Variants in PKD1L3 observed in about 807,000 individuals in gnomAD.
PKD1L3 encodes the protein polycystin 1 like 3, transient receptor potential channel interacting, also known as polycystin-1-like protein 3.
Under a neutral mutation model 184.1 loss-of-function variants are expected in PKD1L3, and 239 were observed. The ratio of observed to expected loss-of-function variants is 1.30; its 90% CI spans 1.17 to 1.45. The LOEUF is 1.45. PKD1L3 is among the 40% of genes most tolerant of loss of function. PKD1L3 has a pLI of 0.00. For missense variants in PKD1L3, 2,660 were observed against 2,067.2 expected (o/e 1.29, Z -5.56); for synonymous variants, 996 against 778.8 (o/e 1.28, Z -4.64).
chr16:71,977,140 C>G (rs914026058), intron 11 of PKD1L3, 96 bp downstream of exon 11: 4 of 926,894 alleles, frequency 4.3e-6, no homozygotes, highest in African/African-American at 1.6e-5. Flanking sequence ...CTGAGCCTGA[C>G]AGTTTGAGGC....
intron 24 of PKD1L3, among the ~76,000 whole-genome samples, chr16:71,940,128 A>T (rs1346596432): frequency 6.6e-6 from 1 of 151,742 alleles, no homozygotes; most frequent in African/African-American, 2.4e-5. Flanking sequence ...CAATATATAT[A>T]TAAACAACAA....
At chr16:71,984,570 G>A (rs1176326835) in intron 5 of PKD1L3, among the ~76,000 whole-genome samples, 2 of 152,164 alleles carry the variant, frequency 1.3e-5, no homozygotes, top group East Asian at 1.9e-4. Context: ...TCAAGTATTC[G>A]TATTTAAGGC....
rs1364151332 is a variant in PKD1L3, at chr16:71,980,100, A to G, written c.1178T>C (p.Phe393Ser). 1.9e-6 allele frequency: 3 copies of G among 1,551,684 alleles called. No homozygotes were observed. The highest frequency in any genetic ancestry group is 3.9e-5 in the Admixed American group (2 of 51,000). Residue 393 changes from phenylalanine (F) to serine (S), a missense_variant, in exon 8 of 30, where the codon TTT becomes TCT. By Grantham distance (155) the Phe-to-Ser change is radical. Transcript: ENST00000620267. The part of the protein sequence containing the change: ...EDILEMSLVE[F>S]GNIGEAFLEQ... ...TAGAAATGCTTCCCCGATATTCCCA[A>G]ACTCCACCAAGGACATTTCCAGGAT...
intron 12 of PKD1L3, among the ~76,000 whole-genome samples, chr16:71,972,416 ATCC>A (rs926302438): frequency 1.3e-5 from 2 of 151,272 alleles, no homozygotes; most frequent in Admixed American, 1.3e-4. Context: ...AATCATCATC[ATCC>A]TCCTCCTCCT....
At chr16:71,972,542 G>A (rs191846072) in intron 12 of PKD1L3, among the ~76,000 whole-genome samples, 20 of 152,204 alleles carry the variant, frequency 1.3e-4, no homozygotes, top group African/African-American at 4.6e-4. Context: ...ACATTAGCCA[G>A]GCATGGTGGC....
In PKD1L3 at chr16:71,929,660, C is replaced by G; in HGVS notation, c.5077G>C (p.Asp1693His). Residue 1693 changes from aspartate (D) to histidine (H), a missense_variant, in exon 30 of 30, where the codon GAT (aspartate) becomes CAT (histidine). Transcript: ENST00000620267. ...TTTGAGAGCTTCTGTAGCAGTGTAT[C>G]TATTAGTGCAGCTTCTTTCTGAGTA... ...KSLKKEAALIDTLLQKLSNLL... is the reference protein window; with the variant it reads ...KSLKKEAALIHTLLQKLSNLL... The G allele has an allele frequency of 1.3e-6, 2 of 1,548,794 alleles. No individual in the cohort carries two copies. The highest frequency in any genetic ancestry group is 1.7e-6 in the Non-Finnish European group (2 of 1,146,142).
intron 26 of PKD1L3, among the ~76,000 whole-genome samples, chr16:71,935,092 TC>T (rs753715102): frequency 1.3e-5 from 2 of 152,248 alleles, no homozygotes; most frequent in Non-Finnish European, 2.9e-5. Context: ...AATGACCAAT[TC>T]CAGGCCCTTC....
intron 24 of PKD1L3, among the ~76,000 whole-genome samples, chr16:71,939,577 C>A (rs1024286416): frequency 2.6e-5 from 4 of 152,168 alleles, no homozygotes; most frequent in Non-Finnish European, 5.9e-5. Context: ...TTATTTTAAT[C>A]CCTGTCTATA....
chr16:71,996,177 T>C (rs2040775630), intron 2 of PKD1L3, among the ~76,000 whole-genome samples: 1 of 151,662 alleles, frequency 6.6e-6, no homozygotes, highest in African/African-American at 2.4e-5. Flanking sequence ...CAACAGGATA[T>C]GGACGCTGAT....
At chr16:71,935,852 C>T (rs563961582) in intron 25 of PKD1L3, among the ~76,000 whole-genome samples, 5 of 152,256 alleles carry the variant, frequency 3.3e-5, no homozygotes, top group South Asian at 4.1e-4. Context: ...TGCAGTGGTG[C>T]GATCATAGCT....
Position 71,942,802 on chromosome 16 carries a change from C to A in PKD1L3, c.4082G>T (p.Cys1361Phe), listed in dbSNP as rs1207608475. 2 of 1,551,468 alleles carry A rather than the reference C, an allele frequency of 1.3e-6. No homozygotes were observed. The highest frequency in any genetic ancestry group is 8.7e-7 in the Non-Finnish European group (1 of 1,146,924). The change falls in exon 24 of 30, where the codon TGT (cysteine) becomes TTT (phenylalanine). Residue 1361 changes from cysteine (C) to phenylalanine (F), a missense_variant. Physicochemically the swap from Cys to Phe is radical, Grantham distance 205 (BLOSUM62 -2). Transcript: ENST00000620267. The part of the protein sequence containing the change: ...NAVLEPSHCK[C>F]GVQLIFQIPR... Reference sequence around the variant, plus strand: ...TATTTGGAAAATTAATTGTACCCCACATTTGCAATGACTGGGCTCCAGGAC... The same window carrying A: ...TATTTGGAAAATTAATTGTACCCCAAATTTGCAATGACTGGGCTCCAGGAC...
rs1323121165 is a variant in PKD1L3 at position 71,990,260 on chromosome 16, T to G, written c.585+20A>C. 1.4e-5 allele frequency: 22 copies of G among 1,524,424 alleles called. No homozygotes were observed. The highest frequency in any genetic ancestry group is 1.8e-5 in the Non-Finnish European group (20 of 1,123,228). 94.4% of individuals were successfully genotyped at this position (1,524,424 alleles called of 1,614,324 possible). A position where few individuals can be genotyped will look rare whatever the true frequency, so the allele number is the denominator to read the frequency against. On this transcript the variant is annotated intron_variant, in intron 4 of 29. Coordinates refer to ENST00000620267, the MANE Select transcript of PKD1L3 (RefSeq NM_181536.2). ...AGAGATCAACATTTCACAATGTATG[T>G]TGTCAAGGGAAGCACTTACAAGATG...
Position 71,967,130 on chromosome 16 carries a change from T to C in PKD1L3, c.2465+7A>G. The stretch of plus-strand genomic sequence containing the variant: ...GCAGCAACAGCCAACAGGATATAAG[T>C]ACTCACCAGGAGGGACTGACGCCAG... On this transcript the variant is annotated splice_region_variant and intron_variant, in intron 15 of 29. Coordinates refer to ENST00000620267, the MANE Select transcript of PKD1L3 (RefSeq NM_181536.2). 1 of 1,550,834 alleles carries C rather than the reference T, an allele frequency of 6.4e-7. No individual in the cohort carries two copies. Among genetic ancestry groups the C allele is most frequent in the Non-Finnish European group, 8.7e-7 (1 of 1,146,380 alleles).
At chr16:71,979,471 C>T (rs4788588) in intron 9 of PKD1L3, among the ~76,000 whole-genome samples, 48,404 of 123,278 alleles carry the variant, frequency 0.39, 7,918 homozygotes, top group East Asian at 0.43. Flanking sequence ...CAAAACAAGA[C>T]AAAACAAAAC....
chr16:71,933,626 C>A (rs1324104818), intron 27 of PKD1L3, 105 bp from the exon 28 acceptor site: 2 of 871,602 alleles, frequency 2.3e-6, no homozygotes, highest in Non-Finnish European at 3.7e-6. Context: ...ACAGAAATTC[C>A]TTGTGGCCAA....
chr16:71,950,207 G>C lies in PKD1L3; in HGVS notation c.3294C>G (p.Ser1098=), dbSNP rs116696705. 30 of 1,552,168 alleles carry C rather than the reference G, an allele frequency of 1.9e-5. No individual in the cohort carries two copies. Among genetic ancestry groups the C allele is most frequent in the Non-Finnish European group, 2.6e-5 (30 of 1,147,146 alleles). The change falls in exon 20 of 30, where the codon TCC becomes TCG. Residue 1098 remains serine, a synonymous_variant. Transcript: ENST00000620267. ...GTLGLTQGHQ[S]CDFLDAASQL... ...GGCTGGCTGCATCTAGGAAGTCACA[G>C]GACTGGTGACCCTGGGTGAGACCCA...
At position 71,993,292 on chromosome 16, in the gene PKD1L3, T is replaced by A. The variant is rs7191148; in HGVS notation, c.459A>T (p.Gly153=). The A allele has an allele frequency of 0.2, 307,602 of 1,547,382 alleles. 33,852 individuals are homozygous for A. Among genetic ancestry groups the A allele is most frequent in the African/African-American group, 0.43 (30,988 of 72,726 alleles). ...GTCTCTGGTACAAATGGGAATTATT[T>A]CCATTTCTTTCATAATGGGCATCTC... The part of the protein sequence containing the change: ...LDGDAHYERN[G]NNSHLYQRHK... Residue 153 remains glycine, a synonymous_variant, in exon 3 of 30, where the codon GGA becomes GGT. Coordinates refer to ENST00000620267, the MANE Select transcript of PKD1L3 (RefSeq NM_181536.2).
At chr16:71,951,002 C>G (rs909642721) in intron 19 of PKD1L3, among the ~76,000 whole-genome samples, 8 of 151,968 alleles carry the variant, frequency 5.3e-5, no homozygotes, top group Admixed American at 4.6e-4. Flanking sequence ...CTTGGCCTCC[C>G]AAAATGCTGG....
At chr16:71,996,879 T>A (rs963255373) in intron 2 of PKD1L3, among the ~76,000 whole-genome samples, 4 of 152,066 alleles carry the variant, frequency 2.6e-5, no homozygotes, top group Non-Finnish European at 4.4e-5. Context: ...GCATTATCTC[T>A]CTACAGGTAC....
Sources: allele counts gnomAD v4.1 joint callset (sites outside exome capture counted in the v4.1 genomes callset), GRCh38; gene constraint gnomAD v4.1.1; transcripts MANE v1.5; gene names NCBI Gene and HGNC (gene_info 2026-07-23, HGNC 2026-07-21).